TRPM3: variants seen among roughly 807,000 people sequenced by gnomAD.
TRPM3 encodes the protein transient receptor potential cation channel subfamily M member 3.
TRPM3 carries 77 observed loss-of-function variants against 181.2 expected under a neutral mutation model. The observed-to-expected ratio is 0.42, with a 90% CI of 0.35 to 0.51. TRPM3 has a LOEUF of 0.51. Ranked by LOEUF, TRPM3 falls within the 20% of genes least tolerant of loss-of-function variation. The probability of loss-of-function intolerance (pLI) is 0.01; values close to 1 mark genes in which losing one functional copy is unlikely to be tolerated. For missense variants in TRPM3, 1,759 were observed against 2,196.7 expected (o/e 0.80, Z 3.98); for synonymous variants, 745 against 796.4 (o/e 0.94, Z 1.09).
chr9:71,212,749 A>C (rs536746069), intron 1 of TRPM3, among the ~76,000 whole-genome samples: 2 of 152,348 alleles, frequency 1.3e-5, no homozygotes, highest in East Asian at 3.9e-4. Context: ...TTCTTAAAGA[A>C]AAAGGGCTGA....
rs574992562 is a variant in TRPM3, at chr9:70,972,808, A to C, written c.178-108297T>G. On this transcript the variant is annotated intron_variant, in intron 1 of 25. Coordinates refer to ENST00000677713, the MANE Select transcript of TRPM3 (RefSeq NM_001366145.2). ...AGGCTTTGTTCAGTAAGAATTATTC[A>C]GGTTAGTGCCCACTTTGATCCACCA... Among the ~76,000 whole-genome samples, 8 of 152,242 alleles carry C rather than the reference A, an allele frequency of 5.3e-5. No individual in the cohort carries two copies. The East Asian group carries it at 1.5e-3, about 29-fold the overall frequency.
chr9:71,244,025 C>A (rs2081887042), intron 1 of TRPM3, among the ~76,000 whole-genome samples: 1 of 152,170 alleles, frequency 6.6e-6, no homozygotes, highest in Non-Finnish European at 1.5e-5. Flanking sequence ...TAAGGCACAT[C>A]ACTTCAAACA....
intron 1 of TRPM3, among the ~76,000 whole-genome samples, chr9:71,446,406 T>C (rs2094204316): frequency 6.6e-6 from 1 of 152,072 alleles, no homozygotes; most frequent in African/African-American, 2.4e-5. Flanking sequence ...CCCTCGCCTC[T>C]CGAACATGTT....
intron 20 of TRPM3, among the ~76,000 whole-genome samples, chr9:70,600,196 T>C (rs2059637468): frequency 6.6e-6 from 1 of 152,148 alleles, no homozygotes; most frequent in African/African-American, 2.4e-5. Flanking sequence ...GGAATGCCAC[T>C]TAGTGAAGCT....
chr9:71,307,292 T>A (rs2087439607), intron 1 of TRPM3, among the ~76,000 whole-genome samples: 1 of 131,250 alleles, frequency 7.6e-6, no homozygotes. Context: ...TCCTAATAGA[T>A]GCTTTGATCT....
In TRPM3 at chr9:71,083,713, TACAC is replaced by T. The variant is rs34900575; in HGVS notation, c.177+37461_177+37464del. On this transcript the variant is annotated intron_variant, in intron 1 of 25. Coordinates refer to ENST00000677713, the MANE Select transcript of TRPM3 (RefSeq NM_001366145.2). ...AAAGTCCCCAAAATGTATTATTATGTACACACACACACACACACACACACACACA... is the reference window on the plus strand; with the variant it reads ...AAAGTCCCCAAAATGTATTATTATGTACACACACACACACACACACACACA... Among the ~76,000 whole-genome samples, 834 of 145,220 alleles carry T rather than the reference TACAC, an allele frequency of 5.7e-3. 7 individuals are homozygous for T. The highest frequency in any genetic ancestry group is 0.013 in the African/African-American group (523 of 39,380).
chr9:70,830,267 CA>C (rs1406540582), intron 5 of TRPM3, among the ~76,000 whole-genome samples: 5 of 152,204 alleles, frequency 3.3e-5, no homozygotes, highest in African/African-American at 1.2e-4. Context: ...AAATAATTCT[CA>C]GCCAAGCTGA....
At chr9:70,984,971 T>C (rs1168878915) in intron 1 of TRPM3, among the ~76,000 whole-genome samples, 3 of 152,246 alleles carry the variant, frequency 2.0e-5, no homozygotes, top group African/African-American at 7.2e-5. Flanking sequence ...AGCTTTTTGC[T>C]GTTGGGTTAT....
chr9:71,194,197 T>C (rs1361856112), intron 1 of TRPM3, among the ~76,000 whole-genome samples: 1 of 151,878 alleles, frequency 6.6e-6, no homozygotes, highest in African/African-American at 2.4e-5. Flanking sequence ...TTTCATTAAG[T>C]GTTTGATGGC....
chr9:71,249,842 T>C (rs1162069142), intron 1 of TRPM3, among the ~76,000 whole-genome samples: 1 of 152,062 alleles, frequency 6.6e-6, no homozygotes, highest in Non-Finnish European at 1.5e-5. Context: ...AGAATTAAGA[T>C]GAATGGGTCA....
chr9:70,961,879 C>T (rs150519080), intron 1 of TRPM3, among the ~76,000 whole-genome samples: 1 of 152,054 alleles, frequency 6.6e-6, no homozygotes, highest in Non-Finnish European at 1.5e-5. Flanking sequence ...AGTAGACTCT[C>T]TTTTTAACTG....
chr9:70,905,886 C>A (rs150336633), intron 1 of TRPM3, among the ~76,000 whole-genome samples: 1 of 152,046 alleles, frequency 6.6e-6, no homozygotes, highest in Non-Finnish European at 1.5e-5. Context: ...TACAGATGTA[C>A]GTCAAAATGC....
chr9:70,984,504 G>C (rs1338077671), intron 1 of TRPM3, among the ~76,000 whole-genome samples: 2 of 152,158 alleles, frequency 1.3e-5, no homozygotes, highest in Admixed American at 1.3e-4. Context: ...CCATAAAACA[G>C]AATACACTGT....
At chr9:71,308,231 A>G (rs1353356595) in intron 1 of TRPM3, among the ~76,000 whole-genome samples, 1 of 152,152 alleles carries the variant, frequency 6.6e-6, no homozygotes, top group Non-Finnish European at 1.5e-5. Context: ...TCAATAATTT[A>G]TATTTATATT....
chr9:70,559,904 A>C (rs2048648023), intron 22 of TRPM3, among the ~76,000 whole-genome samples: 1 of 152,112 alleles, frequency 6.6e-6, no homozygotes, highest in Admixed American at 6.5e-5. Flanking sequence ...AGGGCTGTGG[A>C]ATTCCCCCAC....
intron 1 of TRPM3, among the ~76,000 whole-genome samples, chr9:70,890,591 A>G (rs3010444): frequency 0.097 from 14,787 of 152,034 alleles, 2,171 homozygotes; most frequent in African/African-American, 0.32. Flanking sequence ...AAGAAAACAT[A>G]TTTCGTAAAT....
At chr9:71,265,023 G>A (rs1224439935) in intron 1 of TRPM3, among the ~76,000 whole-genome samples, 2 of 152,078 alleles carry the variant, frequency 1.3e-5, no homozygotes, top group Non-Finnish European at 2.9e-5. Context: ...TTGGATGATA[G>A]CAAAGAAAGA....
chr9:70,766,503 TAA>T (rs1344310336), intron 7 of TRPM3, among the ~76,000 whole-genome samples: 1 of 149,828 alleles, frequency 6.7e-6, no homozygotes, highest in Non-Finnish European at 1.5e-5. Context: ...TTTAGCTATA[TAA>T]AAAAACTTGT....
chr9:70,650,960 T>G (rs1347809958), intron 9 of TRPM3, among the ~76,000 whole-genome samples: 3 of 152,226 alleles, frequency 2.0e-5, no homozygotes, highest in Non-Finnish European at 4.4e-5. Flanking sequence ...TGTTACCTAC[T>G]TATTCATAAT....
Sources: gnomAD v4.1 joint callset for allele counts (sites outside exome capture counted in the v4.1 genomes callset) on GRCh38, gnomAD v4.1.1 for gene constraint, MANE v1.5 for transcripts, NCBI Gene and HGNC (gene_info 2026-07-23, HGNC 2026-07-21) for gene names.